Variants in TM9SF2 observed in about 807,000 individuals in gnomAD.
TM9SF2 encodes the protein transmembrane 9 superfamily member 2.
A neutral mutation model predicts 84.9 loss-of-function variants in TM9SF2; 13 were observed. The ratio of observed to expected loss-of-function variants is 0.15; its 90% CI spans 0.10 to 0.24. The LOEUF is 0.24. TM9SF2 is among the 10% of genes least tolerant of loss of function. The pLI is 1.00. For synonymous variants in TM9SF2, 273 were observed against 285.8 expected (o/e 0.96, Z 0.45); for missense variants, 562 against 818.5 (o/e 0.69, Z 3.82).
At chr13:99,530,709 A>T (rs1278233128) in intron 4 of TM9SF2, among the ~76,000 whole-genome samples, 2 of 152,200 alleles carry the variant, frequency 1.3e-5, no homozygotes, top group Admixed American at 1.3e-4. Flanking sequence ...TTCAAATAAA[A>T]CGCTTACATT....
chr13:99,539,151 A>T (rs1229961186), intron 6 of TM9SF2, among the ~76,000 whole-genome samples: 1 of 151,414 alleles, frequency 6.6e-6, no homozygotes, highest in Non-Finnish European at 1.5e-5. Context: ...TTGAGGCTGC[A>T]TTGAACTGTG....
At chr13:99,508,765 T>C (rs2046100736) in intron 1 of TM9SF2, among the ~76,000 whole-genome samples, 1 of 151,984 alleles carries the variant, frequency 6.6e-6, no homozygotes, top group Non-Finnish European at 1.5e-5. Flanking sequence ...AACAAGCAGA[T>C]CTCACAAGGA....
intron 3 of TM9SF2, among the ~76,000 whole-genome samples, chr13:99,527,265 G>A (rs1287047670): frequency 6.6e-6 from 1 of 152,156 alleles, no homozygotes; most frequent in Non-Finnish European, 1.5e-5. Context: ...AGTCCGTTCT[G>A]ACGCTGCTGT....
chr13:99,548,075 C>T (rs1188179909), intron 11 of TM9SF2, among the ~76,000 whole-genome samples: 2 of 152,148 alleles, frequency 1.3e-5, no homozygotes, highest in Non-Finnish European at 2.9e-5. Context: ...TTAATGCATA[C>T]AAAATACAGT....
chr13:99,535,445 C>T (rs17656652), intron 4 of TM9SF2, among the ~76,000 whole-genome samples: 14,736 of 152,092 alleles, frequency 0.097, 855 homozygotes, highest in East Asian at 0.21. Flanking sequence ...AAGCAATTAA[C>T]GGATTCGTTA....
At chr13:99,536,015 G>C (rs1430797093) in intron 4 of TM9SF2, among the ~76,000 whole-genome samples, 1 of 151,792 alleles carries the variant, frequency 6.6e-6, no homozygotes, top group Admixed American at 6.6e-5. Flanking sequence ...TTTCCTCCTG[G>C]CTCTTTAGTT....
intron 1 of TM9SF2, among the ~76,000 whole-genome samples, chr13:99,502,622 GTAAA>G (rs1304655176): frequency 6.6e-6 from 1 of 152,164 alleles, no homozygotes; most frequent in African/African-American, 2.4e-5. Flanking sequence ...TAAAAGAGGC[GTAAA>G]TAAAGTAACC....
intron 1 of TM9SF2, among the ~76,000 whole-genome samples, chr13:99,509,134 G>A (rs2046102501): frequency 6.6e-6 from 1 of 152,158 alleles, no homozygotes; most frequent in Admixed American, 6.5e-5. Flanking sequence ...ATAGGCATTG[G>A]GTAAATATTC....
At chr13:99,534,976 C>A (rs2046227579) in intron 4 of TM9SF2, among the ~76,000 whole-genome samples, 2 of 151,948 alleles carry the variant, frequency 1.3e-5, no homozygotes, top group South Asian at 4.2e-4. Context: ...ATAGTGAGAC[C>A]CCAACTCTAC....
intron 1 of TM9SF2, among the ~76,000 whole-genome samples, chr13:99,508,291 T>C (rs1254620815): frequency 2.0e-5 from 3 of 151,998 alleles, no homozygotes; most frequent in African/African-American, 7.3e-5. Context: ...GTCACATCAG[T>C]GATAATCTAG....
intron 1 of TM9SF2, among the ~76,000 whole-genome samples, chr13:99,508,378 T>C (rs561205506): frequency 4.3e-5 from 6 of 139,284 alleles, no homozygotes; most frequent in Middle Eastern, 3.7e-3. Context: ...TAAAGATGTT[T>C]AGAGTGGGAA....
chr13:99,541,415 CATTGA>C, intron 8 of TM9SF2, 139 bp from the exon 9 acceptor site: 1 of 564,372 alleles, frequency 1.8e-6, no homozygotes, highest in Non-Finnish European at 3.1e-6. Context: ...GAACACAGTT[CATTGA>C]ATTTGTTGGA....
intron 13 of TM9SF2, 92 bp from the exon 14 acceptor site, chr13:99,554,212 G>A (rs992618408): frequency 1.4e-5 from 21 of 1,452,466 alleles, no homozygotes; most frequent in Non-Finnish European, 2.0e-5. Context: ...CAACATAGAA[G>A]CTGAAAAAAA....
At chr13:99,542,495 A>G (rs2046264643) in intron 9 of TM9SF2, among the ~76,000 whole-genome samples, 1 of 152,144 alleles carries the variant, frequency 6.6e-6, no homozygotes, top group South Asian at 2.1e-4. Flanking sequence ...TCTTCATTTC[A>G]TGGCAGCATA....
intron 4 of TM9SF2, among the ~76,000 whole-genome samples, chr13:99,533,308 A>G (rs745534156): frequency 7.9e-5 from 12 of 152,244 alleles, no homozygotes; most frequent in Admixed American, 6.5e-5. Context: ...CCTCATTTCT[A>G]TTCTACAGAA....
intron 1 of TM9SF2, among the ~76,000 whole-genome samples, chr13:99,509,579 A>G (rs1416825539): frequency 6.6e-6 from 1 of 152,256 alleles, no homozygotes; most frequent in Non-Finnish European, 1.5e-5. Context: ...GCTGTACCTC[A>G]GCCTCTTTGA....
intron 13 of TM9SF2, 140 bp from the exon 14 acceptor site, chr13:99,554,164 A>T (rs2046317159): frequency 1.0e-6 from 1 of 977,324 alleles, no homozygotes; most frequent in Non-Finnish European, 1.5e-6. Context: ...GACAAATTTC[A>T]GTTTGATGTC....
In TM9SF2 at chr13:99,543,838, C is replaced by A. The variant is rs202027453; in HGVS notation, c.1018-25C>A. 331 of 1,611,300 alleles carry A rather than the reference C, an allele frequency of 2.1e-4. 1 individual carries two copies. The highest frequency in any genetic ancestry group is 8.2e-4 in the Middle Eastern group (5 of 6,066). On this transcript the variant is annotated intron_variant, in intron 9 of 16. Transcript: ENST00000376387. Reference sequence around the variant, plus strand: ...TGTCTTGTTGATACCATGAGACAATCGAACTGATTTCATTCCCCTTTTAGG... The same window carrying A: ...TGTCTTGTTGATACCATGAGACAATAGAACTGATTTCATTCCCCTTTTAGG...
At chr13:99,546,914 G>C in intron 10 of TM9SF2, 71 bp from the exon 11 acceptor site, 1 of 1,593,554 alleles carries the variant, frequency 6.3e-7, no homozygotes, top group Non-Finnish European at 8.6e-7. Context: ...AAATGAGAGG[G>C]TTTCTCTATC....
Sources: gnomAD v4.1 joint callset for allele counts (sites outside exome capture counted in the v4.1 genomes callset) on GRCh38, gnomAD v4.1.1 for gene constraint, MANE v1.5 for transcripts, NCBI Gene and HGNC (gene_info 2026-07-23, HGNC 2026-07-21) for gene names.